Variants in HADHA observed in about 807,000 individuals in gnomAD.
HADHA encodes the protein trifunctional enzyme subunit alpha, mitochondrial.
In HADHA, 59 loss-of-function variants were observed where a neutral mutation model predicts 91.3. The ratio of observed to expected loss-of-function variants is 0.65; its 90% CI spans 0.52 to 0.80. The LOEUF is 0.80. Ranked by LOEUF, HADHA falls within the 30% of genes least tolerant of loss-of-function variation. The probability of loss-of-function intolerance (pLI) is 0.00; values close to 1 mark genes in which losing one functional copy is unlikely to be tolerated. For missense variants in HADHA, 800 were observed against 927.6 expected (o/e 0.86, Z 1.79); for synonymous variants, 320 against 338.9 (o/e 0.94, Z 0.61).
chr2:26,203,936 T>G, intron 12 of HADHA, 126 bp downstream of exon 12: 1 of 946,570 alleles, frequency 1.1e-6, no homozygotes, highest in South Asian at 1.3e-5. Context: ...CTCATTATGT[T>G]CAGGAAAAAG....
intron 7 of HADHA, among the ~76,000 whole-genome samples, chr2:26,224,335 C>T (rs1449999514): frequency 1.3e-5 from 2 of 152,164 alleles, no homozygotes; most frequent in Admixed American, 1.3e-4. Context: ...TAATTATTTA[C>T]TCTGATATTT....
At chr2:26,209,573 C>T (rs1005131255) in intron 11 of HADHA, among the ~76,000 whole-genome samples, 2 of 152,046 alleles carry the variant, frequency 1.3e-5, no homozygotes, top group African/African-American at 4.8e-5. Flanking sequence ...TAGGAATGAC[C>T]AGAGGGGTTT....
In HADHA at chr2:26,229,346, G is replaced by GCACA. The variant is rs1334271211; in HGVS notation, c.676+845_676+846insTGTG. Among the ~76,000 whole-genome samples the GCACA allele has an allele frequency of 1.5e-3, 57 of 36,782 alleles. No individual in the cohort carries two copies. Among genetic ancestry groups the GCACA allele is most frequent in the African/African-American group, 6.3e-3 (43 of 6,828 alleles). 24.1% of individuals were successfully genotyped at this position (36,782 alleles called of 152,430 possible). A position where few individuals can be genotyped will look rare whatever the true frequency, so the allele number is the denominator to read the frequency against. Reference sequence around the variant, plus strand: ...GAGTGAGACCCCAACATGTGTGCGCGCGCACACACACACACACACACACAC... The same window carrying GCACA: ...GAGTGAGACCCCAACATGTGTGCGCGCACACGCACACACACACACACACACACAC... On this transcript the variant is annotated intron_variant, in intron 7 of 19. Coordinates refer to ENST00000380649, the MANE Select transcript of HADHA (RefSeq NM_000182.5). The surrounding 1 kb of genome is among the most constrained non-coding windows in gnomAD (Gnocchi z 4.3).
chr2:26,238,335 C>G (rs773012850), intron 3 of HADHA, among the ~76,000 whole-genome samples: 2 of 152,070 alleles, frequency 1.3e-5, no homozygotes, highest in Non-Finnish European at 2.9e-5. Flanking sequence ...AAGAATACAC[C>G]AAATTTAGAT....
chr2:26,226,342 A>C (rs1051529178), intron 7 of HADHA, among the ~76,000 whole-genome samples: 28 of 152,222 alleles, frequency 1.8e-4, no homozygotes, highest in African/African-American at 6.5e-4. Context: ...ATTTGTACAC[A>C]AATGCAAAGG....
At chr2:26,240,121 T>C (rs1558332406) in intron 1 of HADHA, among the ~76,000 whole-genome samples, 1 of 152,240 alleles carries the variant, frequency 6.6e-6, no homozygotes, top group Non-Finnish European at 1.5e-5. Context: ...ATCCTTCCTT[T>C]CCTTGCCTGC....
intron 7 of HADHA, among the ~76,000 whole-genome samples, chr2:26,226,365 C>T (rs893893075): frequency 1.3e-5 from 2 of 152,018 alleles, no homozygotes; most frequent in Non-Finnish European, 2.9e-5. Context: ...CTAGTATGAG[C>T]AAAATAATTT....
In HADHA at chr2:26,236,974, A is replaced by G; in HGVS notation, c.195T>C (p.Ser65=). Residue 65 remains serine (S), a synonymous_variant, in exon 4 of 20, where the codon AGT becomes AGC. Coordinates refer to ENST00000380649, the MANE Select transcript of HADHA (RefSeq NM_000182.5). ...NSPNSKVNTL[S]KELHSEFSEV... is the part of the protein sequence containing the mutation. ...CTGAGAACTCTGAATGTAGCTCTTTACTCAGTGTATTTACCTGCCAAAGGG... is the reference window on the plus strand; with the variant it reads ...CTGAGAACTCTGAATGTAGCTCTTTGCTCAGTGTATTTACCTGCCAAAGGG... 2.5e-6 allele frequency: 4 copies of G among 1,610,062 alleles called. No homozygotes were observed. The highest frequency in any genetic ancestry group is 3.4e-6 in the Non-Finnish European group (4 of 1,176,238).
Position 26,193,836 on chromosome 2 carries a change from C to T in HADHA, c.1690-64G>A. ...AGCCCAAATCCCCCCAAAGGGCTCC[C>T]TGTACTGGCTCCAAACACTGCCTTG... On this transcript the variant is annotated intron_variant, in intron 16 of 19. Coordinates refer to ENST00000380649, the MANE Select transcript of HADHA (RefSeq NM_000182.5). The T allele has an allele frequency of 3.9e-6, 5 of 1,280,594 alleles. No homozygotes were observed. The South Asian group carries it at 4.8e-5, about 12-fold the overall frequency. The allele number at this position is 1,280,594 out of a possible 1,614,324, so 79.3% of individuals were successfully genotyped here.
chr2:26,192,248 G>T, intron 18 of HADHA, 62 bp downstream of exon 18: 2 of 860,218 alleles, frequency 2.3e-6, no homozygotes, highest in Non-Finnish European at 4.0e-6. Flanking sequence ...AAGAGGGGCT[G>T]GGAAGCTTTG....
At chr2:26,228,991 G>A (rs986726559) in intron 7 of HADHA, among the ~76,000 whole-genome samples, 1 of 152,030 alleles carries the variant, frequency 6.6e-6, no homozygotes, top group Non-Finnish European at 1.5e-5. Flanking sequence ...TTTTTGGATT[G>A]TGGCAGTGTT....
intron 11 of HADHA, among the ~76,000 whole-genome samples, 196 bp downstream of exon 11, chr2:26,209,584 G>A (rs565987699): frequency 1.3e-5 from 2 of 152,214 alleles, no homozygotes; most frequent in South Asian, 2.1e-4. Flanking sequence ...AGAGGGGTTT[G>A]GAAAAAACTC....
chr2:26,204,324 T>G, intron 11 of HADHA, 128 bp from the exon 12 acceptor site: 1 of 874,502 alleles, frequency 1.1e-6, no homozygotes, highest in Non-Finnish European at 1.9e-6. Context: ...TCAAATAATT[T>G]TTATTTATTA....
At chr2:26,243,688 T>C (rs946153535) in intron 1 of HADHA, among the ~76,000 whole-genome samples, 1 of 152,236 alleles carries the variant, frequency 6.6e-6, no homozygotes, top group African/African-American at 2.4e-5. Context: ...AAGTAACTTA[T>C]TAAGCACAAC....
In HADHA at chr2:26,214,491, C is replaced by A. The variant is rs771022089; in HGVS notation, c.870G>T (p.Val290=). ...QQVYKKVEEK[V]RKQTKGLYPA... ...GATAAAGGCCTTTAGTCTGCTTTCG[C>A]ACTTTTTCTTCCACTTTTTTGTAAA... Residue 290 remains valine, a synonymous_variant, in exon 9 of 20, where the codon GTG becomes GTT. Coordinates refer to ENST00000380649, the MANE Select transcript of HADHA (RefSeq NM_000182.5). This position sits in a 1 kb window ranked among gnomAD's most constrained non-coding sequence, Gnocchi z 4.1. The A allele has an allele frequency of 3.7e-6, 6 of 1,607,146 alleles. No individual in the cohort carries two copies. In the South Asian group the frequency reaches 5.5e-5, roughly 15 times the overall value.
intron 7 of HADHA, among the ~76,000 whole-genome samples, chr2:26,218,457 A>AT (rs1670292660): frequency 2.0e-5 from 3 of 152,228 alleles, no homozygotes; most frequent in Non-Finnish European, 4.4e-5. Context: ...AAGAAAACCA[A>AT]ATCAGATGGG....
chr2:26,233,955 C>T (rs1350948723), intron 5 of HADHA, among the ~76,000 whole-genome samples: 1 of 152,136 alleles, frequency 6.6e-6, no homozygotes, highest in Non-Finnish European at 1.5e-5. Flanking sequence ...GTGATGCACA[C>T]CTGTAATCCC....
intron 17 of HADHA, among the ~76,000 whole-genome samples, chr2:26,193,020 G>C (rs1558314354): frequency 6.6e-6 from 1 of 152,116 alleles, no homozygotes; most frequent in Non-Finnish European, 1.5e-5. Flanking sequence ...TGATTTTGCT[G>C]TTTTGCCAAG....
chr2:26,215,602 G>A (rs762790897), intron 7 of HADHA, among the ~76,000 whole-genome samples: 1 of 152,194 alleles, frequency 6.6e-6, no homozygotes, highest in Non-Finnish European at 1.5e-5. Context: ...GCCTATCTTA[G>A]CTGAACTGAT....
Sources: gnomAD v4.1 joint callset for allele counts (sites outside exome capture counted in the v4.1 genomes callset) on GRCh38, gnomAD v4.1.1 for gene constraint, Gnocchi (gnomAD v3.1) non-coding constraint, MANE v1.5 for transcripts, NCBI Gene and HGNC (gene_info 2026-07-23, HGNC 2026-07-21) for gene names.